Variants in GLIS3 observed in about 807,000 individuals in gnomAD.
GLIS3 encodes the protein GLIS family zinc finger 3, also known as zinc finger protein GLIS3.
In GLIS3, 53 loss-of-function variants were observed where a neutral mutation model predicts 78.6. The observed-to-expected ratio is 0.67, with a 90% CI of 0.54 to 0.85. GLIS3 has a LOEUF of 0.85. Ranked by LOEUF, GLIS3 falls within the 40% of genes least tolerant of loss-of-function variation. The pLI, the probability that GLIS3 is intolerant of heterozygous loss-of-function variation, is 0.00. For synonymous variants in GLIS3, 684 were observed against 509.9 expected (o/e 1.34, Z -4.60); for missense variants, 1,703 against 1,231.1 (o/e 1.38, Z -5.74).
intron 2 of GLIS3, among the ~76,000 whole-genome samples, chr9:4,223,220 C>T (rs1474421998): frequency 6.6e-6 from 1 of 152,172 alleles, no homozygotes; most frequent in African/African-American, 2.4e-5. Context: ...TTCCTCTCCA[C>T]CCCAGCACAT....
intron 2 of GLIS3, among the ~76,000 whole-genome samples, chr9:4,322,278 C>T (rs368723369): frequency 1.3e-5 from 2 of 152,166 alleles, no homozygotes; most frequent in East Asian, 1.9e-4. Flanking sequence ...CAGTCTATCA[C>T]TGATGGACAT....
chr9:3,883,041 C>T (rs969322815), intron 7 of GLIS3, among the ~76,000 whole-genome samples: 1 of 152,112 alleles, frequency 6.6e-6, no homozygotes. Context: ...TAACAACAGA[C>T]ACAAGCATGC....
intron 6 of GLIS3, among the ~76,000 whole-genome samples, chr9:3,906,495 G>C (rs1225871398): frequency 6.6e-6 from 1 of 152,192 alleles, no homozygotes; most frequent in African/African-American, 2.4e-5. Flanking sequence ...CAGCAAAGGA[G>C]ATCACAGAAG....
At chr9:3,856,424 A>T (rs898452343) in intron 8 of GLIS3, among the ~76,000 whole-genome samples, 4 of 152,156 alleles carry the variant, frequency 2.6e-5, no homozygotes, top group African/African-American at 9.7e-5. Context: ...GGGAAAACCT[A>T]CTCACAGTTT....
At chr9:4,437,345 T>A in the GLIS3 span, among the ~76,000 whole-genome samples, 1 of 152,222 alleles carries the variant, frequency 6.6e-6, no homozygotes. Flanking sequence ...ATGATTTGAA[T>A]GAGATTGTTT....
chr9:4,321,149 G>A (rs754159626), intron 2 of GLIS3, among the ~76,000 whole-genome samples: 9 of 151,284 alleles, frequency 5.9e-5, no homozygotes, highest in South Asian at 2.1e-4. Flanking sequence ...GGCCGGGCGC[G>A]GTGGCTCACG....
chr9:4,214,986 G>C (rs1188329390), intron 2 of GLIS3, among the ~76,000 whole-genome samples: 2 of 152,150 alleles, frequency 1.3e-5, no homozygotes, highest in African/African-American at 4.8e-5. Context: ...GAGAGGGTGA[G>C]ACAGCTCTCC....
At chr9:4,259,079 A>G (rs540504954) in intron 2 of GLIS3, among the ~76,000 whole-genome samples, 1 of 152,042 alleles carries the variant, frequency 6.6e-6, no homozygotes, top group East Asian at 1.9e-4. Flanking sequence ...CAAACATTCC[A>G]GATACTTCTC....
At chr9:4,109,021 G>A (rs1008941530) in intron 4 of GLIS3, among the ~76,000 whole-genome samples, 2 of 152,082 alleles carry the variant, frequency 1.3e-5, no homozygotes, top group African/African-American at 4.8e-5. Context: ...GGGGTTCTAT[G>A]GTGTTCAGGA....
intron 6 of GLIS3, among the ~76,000 whole-genome samples, chr9:3,908,679 AG>A (rs1293227443): frequency 6.8e-6 from 1 of 148,134 alleles, no homozygotes; most frequent in African/African-American, 2.5e-5. Context: ...TATAAAAACA[AG>A]GCACCATCAA....
intron 4 of GLIS3, among the ~76,000 whole-genome samples, chr9:4,095,909 C>G (rs914971167): frequency 2.0e-5 from 3 of 151,450 alleles, no homozygotes; most frequent in African/African-American, 7.3e-5. Flanking sequence ...GGTTTCAAAG[C>G]CAACAAGTTA....
rs532930178 is a variant in GLIS3 at position 4,153,419 on chromosome 9, C to T, written c.389-27478G>A. 5.3e-5 allele frequency among the ~76,000 whole-genome samples: 8 copies of T among 152,210 alleles called. No homozygotes were observed. The South Asian group carries it at 6.2e-4, about 12-fold the overall frequency. On this transcript the variant is annotated intron_variant, in intron 2 of 10. Coordinates refer to ENST00000381971, the MANE Select transcript of GLIS3 (RefSeq NM_001042413.2). Reference sequence around the variant, plus strand: ...TCTCCACTAAAAATACAAAAATTAGCCAGGTGTGCTTGTGCACTCCTGTAA... The same window carrying T: ...TCTCCACTAAAAATACAAAAATTAGTCAGGTGTGCTTGTGCACTCCTGTAA...
chr9:4,411,805 C>T, the GLIS3 span, among the ~76,000 whole-genome samples: 2 of 152,320 alleles, frequency 1.3e-5, no homozygotes, highest in South Asian at 4.1e-4. Flanking sequence ...TTTTTCTCTG[C>T]AATCCTCTTC....
the GLIS3 span, among the ~76,000 whole-genome samples, chr9:4,444,219 C>A: frequency 6.6e-6 from 1 of 152,176 alleles, no homozygotes; most frequent in Non-Finnish European, 1.5e-5. Flanking sequence ...CATACAAAGG[C>A]TCTTCTGCAA....
chr9:4,020,549 T>C (rs750271000), intron 4 of GLIS3, among the ~76,000 whole-genome samples: 8 of 152,198 alleles, frequency 5.3e-5, no homozygotes, highest in Admixed American at 1.3e-4. Context: ...ACCAGTTAGG[T>C]TGGCTTTATG....
chr9:4,481,483 A>G, the GLIS3 span, among the ~76,000 whole-genome samples: 1 of 42,964 alleles, frequency 2.3e-5, no homozygotes, highest in South Asian at 6.2e-4. Flanking sequence ...CCATCAAAAA[A>G]TTAATTAATT....
At chr9:4,021,548 T>C (rs1470748727) in intron 4 of GLIS3, among the ~76,000 whole-genome samples, 1 of 152,180 alleles carries the variant, frequency 6.6e-6, no homozygotes, top group Non-Finnish European at 1.5e-5. Context: ...ATTCTCTTTA[T>C]TTTGTGCTTT....
chr9:4,459,742 A>T, the GLIS3 span, among the ~76,000 whole-genome samples: 16 of 152,300 alleles, frequency 1.1e-4, no homozygotes, highest in Admixed American at 9.8e-4. Flanking sequence ...ACTGCAGCCC[A>T]TGGCTGCAGT....
intron 2 of GLIS3, among the ~76,000 whole-genome samples, chr9:4,180,069 C>T (rs1473722341): frequency 6.6e-6 from 1 of 152,102 alleles, no homozygotes; most frequent in Non-Finnish European, 1.5e-5. Context: ...AGAGACTCCG[C>T]CACCTCTAAG....
Sources: allele counts gnomAD v4.1 joint callset (sites outside exome capture counted in the v4.1 genomes callset), GRCh38; gene constraint gnomAD v4.1.1; transcripts MANE v1.5; gene names NCBI Gene and HGNC (gene_info 2026-07-23, HGNC 2026-07-21).